Variants in KLF12 observed in about 807,000 individuals in gnomAD.
KLF12 encodes the protein Krueppel-like factor 12.
Under a neutral mutation model 37.8 loss-of-function variants are expected in KLF12, and 9 were observed. The observed-to-expected ratio is 0.24, with a 90% CI of 0.14 to 0.42. KLF12 has a LOEUF of 0.42. Ranked by LOEUF, KLF12 falls within the 10% of genes least tolerant of loss-of-function variation. The probability of loss-of-function intolerance (pLI) is 1.00; values close to 1 mark genes in which losing one functional copy is unlikely to be tolerated. For synonymous variants in KLF12, 208 were observed against 202.1 expected (o/e 1.03, Z -0.25); for missense variants, 411 against 516.0 (o/e 0.80, Z 1.97).
chr13:73,946,212 C>G (rs910777974), intron 2 of KLF12, among the ~76,000 whole-genome samples: 3 of 152,154 alleles, frequency 2.0e-5, no homozygotes, highest in Admixed American at 1.3e-4. Flanking sequence ...CAAGAAGATG[C>G]CTTATAAGGA....
intron 4 of KLF12, among the ~76,000 whole-genome samples, chr13:73,833,246 C>T (rs1594145439): frequency 1.3e-5 from 2 of 152,146 alleles, no homozygotes; most frequent in African/African-American, 4.8e-5. Context: ...GAACTGACTA[C>T]AATTTTCATA....
chr13:74,214,194 C>G, the KLF12 span, among the ~76,000 whole-genome samples: 1 of 152,114 alleles, frequency 6.6e-6, no homozygotes, highest in Admixed American at 6.5e-5. Flanking sequence ...ACTTTTGAAT[C>G]TTAGTTTCCC....
intron 2 of KLF12, among the ~76,000 whole-genome samples, chr13:73,987,932 GAAAT>G (rs1342990628): frequency 6.6e-6 from 1 of 151,930 alleles, no homozygotes; most frequent in Admixed American, 6.5e-5. Flanking sequence ...GGTAGAAAAA[GAAAT>G]AAGCCTCAAC....
At chr13:73,939,063 C>T (rs1890075739) in intron 3 of KLF12, among the ~76,000 whole-genome samples, 1 of 152,210 alleles carries the variant, frequency 6.6e-6, no homozygotes, top group African/African-American at 2.4e-5. Context: ...CCGCTCTTCT[C>T]TGCCGGCCCA....
chr13:74,034,460 T>C (rs918632674), intron 1 of KLF12, among the ~76,000 whole-genome samples: 1 of 152,208 alleles, frequency 6.6e-6, no homozygotes, highest in African/African-American at 2.4e-5. Flanking sequence ...AGAGGTTTCT[T>C]CATGAAAAAT....
At chr13:74,217,471 G>A in the KLF12 span, among the ~76,000 whole-genome samples, 1 of 152,080 alleles carries the variant, frequency 6.6e-6, no homozygotes, top group Non-Finnish European at 1.5e-5. Flanking sequence ...GCTCATGACT[G>A]CAATCCTAGC....
At chr13:73,734,101 GC>G (rs1405027195) in intron 6 of KLF12, among the ~76,000 whole-genome samples, 1 of 152,102 alleles carries the variant, frequency 6.6e-6, no homozygotes, top group Non-Finnish European at 1.5e-5. Flanking sequence ...CTATTCTTCT[GC>G]TTAGAATAGT....
At chr13:74,247,005 T>C in the KLF12 span, among the ~76,000 whole-genome samples, 1 of 152,196 alleles carries the variant, frequency 6.6e-6, no homozygotes, top group African/African-American at 2.4e-5. Context: ...TAGACATCAG[T>C]AGTTTGAATT....
intron 2 of KLF12, among the ~76,000 whole-genome samples, chr13:73,953,106 T>C (rs1442606019): frequency 1.3e-5 from 2 of 152,162 alleles, no homozygotes; most frequent in African/African-American, 4.8e-5. Context: ...AAGAAAACCA[T>C]GTCACAATCC....
intron 1 of KLF12, among the ~76,000 whole-genome samples, chr13:74,056,284 T>C (rs1280144364): frequency 1.3e-5 from 2 of 152,180 alleles, no homozygotes; most frequent in African/African-American, 2.4e-5. Flanking sequence ...CCATCAGTTA[T>C]GCAACATACA....
intron 5 of KLF12, among the ~76,000 whole-genome samples, chr13:73,787,449 T>A (rs1188403876): frequency 6.7e-6 from 1 of 148,422 alleles, no homozygotes; most frequent in Non-Finnish European, 1.5e-5. Context: ...AGATACTTTA[T>A]CCAATTATTG....
At chr13:74,235,475 A>G in the KLF12 span, among the ~76,000 whole-genome samples, 1 of 152,184 alleles carries the variant, frequency 6.6e-6, no homozygotes, top group Non-Finnish European at 1.5e-5. Context: ...CAATTTCCTC[A>G]TTATAATAGA....
At chr13:74,299,239 A>G in the KLF12 span, among the ~76,000 whole-genome samples, 1 of 152,212 alleles carries the variant, frequency 6.6e-6, no homozygotes, top group African/African-American at 2.4e-5. Context: ...AGGAAGGTGG[A>G]GTAGAGTACA....
chr13:73,810,602 C>T (rs1882876828), intron 5 of KLF12, among the ~76,000 whole-genome samples: 4 of 151,472 alleles, frequency 2.6e-5, no homozygotes, highest in African/African-American at 7.3e-5. Flanking sequence ...ACTACAGTTC[C>T]AAACTTTAAA....
chr13:73,951,787 G>A (rs1890656990), intron 2 of KLF12, among the ~76,000 whole-genome samples: 2 of 152,104 alleles, frequency 1.3e-5, no homozygotes, highest in Non-Finnish European at 1.5e-5. Flanking sequence ...CCTCCCTCCA[G>A]GACTATGTGC....
intron 6 of KLF12, among the ~76,000 whole-genome samples, chr13:73,748,894 C>T (rs1394585672): frequency 2.0e-5 from 3 of 152,098 alleles, no homozygotes; most frequent in South Asian, 2.1e-4. Context: ...GACTCCTGTT[C>T]TTTATATTTA....
the KLF12 span, among the ~76,000 whole-genome samples, chr13:74,290,408 A>G: frequency 6.6e-6 from 1 of 152,176 alleles, no homozygotes; most frequent in African/African-American, 2.4e-5. Context: ...CTCAAAGGCA[A>G]TGCAAAGCGA....
At chr13:73,785,026 A>G (rs1212623548) in intron 5 of KLF12, among the ~76,000 whole-genome samples, 1 of 151,836 alleles carries the variant, frequency 6.6e-6, no homozygotes, top group Non-Finnish European at 1.5e-5. Context: ...TCCCAAAGTT[A>G]CATTTTCATA....
the KLF12 span, among the ~76,000 whole-genome samples, chr13:74,303,874 G>C: frequency 6.6e-6 from 1 of 152,048 alleles, no homozygotes; most frequent in Non-Finnish European, 1.5e-5. Flanking sequence ...TCAGTGCTCA[G>C]ATCATGCCCT....
Sources: allele counts gnomAD v4.1 joint callset (sites outside exome capture counted in the v4.1 genomes callset), GRCh38; gene constraint gnomAD v4.1.1; transcripts MANE v1.5; gene names NCBI Gene and HGNC (gene_info 2026-07-23, HGNC 2026-07-21).